Variants in PIP5K1B observed in about 807,000 individuals in gnomAD.
The protein encoded by PIP5K1B is phosphatidylinositol 4-phosphate 5-kinase type-1 beta.
A neutral mutation model predicts 67.0 loss-of-function variants in PIP5K1B; 42 were observed. The observed-to-expected ratio is 0.63, with a 90% confidence interval of 0.49 to 0.81. PIP5K1B has a LOEUF of 0.81. Ranked by LOEUF, PIP5K1B falls within the 30% of genes least tolerant of loss-of-function variation. PIP5K1B has a pLI of 0.00. For missense variants in PIP5K1B, 459 were observed against 646.3 expected (o/e 0.71, Z 3.14); for synonymous variants, 214 against 231.4 (o/e 0.92, Z 0.68).
intron 13 of PIP5K1B, among the ~76,000 whole-genome samples, chr9:68,937,005 G>C (rs375709478): frequency 6.6e-6 from 1 of 152,144 alleles, no homozygotes; most frequent in Admixed American, 6.5e-5. Context: ...CGCTAGATTC[G>C]GTTTGCCAGT....
chr9:68,940,060 T>C (rs1827480376), intron 13 of PIP5K1B, among the ~76,000 whole-genome samples: 1 of 152,176 alleles, frequency 6.6e-6, no homozygotes, highest in Admixed American at 6.5e-5. Context: ...ATAAGTGTTT[T>C]CTCATTTTTA....
intron 14 of PIP5K1B, among the ~76,000 whole-genome samples, chr9:68,980,015 G>A (rs911923151): frequency 6.6e-6 from 1 of 152,176 alleles, no homozygotes; most frequent in African/African-American, 2.4e-5. Flanking sequence ...ACTTCCCTGG[G>A]TCCGTGTTGG....
At chr9:68,807,170 T>C (rs1331218154) in intron 2 of PIP5K1B, among the ~76,000 whole-genome samples, 2 of 152,146 alleles carry the variant, frequency 1.3e-5, no homozygotes, top group Non-Finnish European at 2.9e-5. Flanking sequence ...TACCTCAAAG[T>C]ACCTCACATA....
chr9:68,985,012 G>A (rs536571761), intron 14 of PIP5K1B, among the ~76,000 whole-genome samples: 4 of 152,316 alleles, frequency 2.6e-5, no homozygotes, highest in African/African-American at 9.6e-5. Context: ...ATGTTGGGCA[G>A]ACACATGGGG....
intron 4 of PIP5K1B, among the ~76,000 whole-genome samples, chr9:68,849,528 G>A (rs1488287122): frequency 6.6e-6 from 1 of 152,106 alleles, no homozygotes; most frequent in Non-Finnish European, 1.5e-5. Flanking sequence ...ACCATACCCA[G>A]CTAATTTTTG....
chr9:68,945,379 C>T (rs4745405), intron 14 of PIP5K1B, among the ~76,000 whole-genome samples: 94,910 of 152,006 alleles, frequency 0.62, 33,115 homozygotes, highest in Non-Finnish European at 0.77. Flanking sequence ...CTCCTGACCT[C>T]AAGTGATCCA....
rs369420473 is a variant in PIP5K1B, at chr9:68,940,689, A to G, written c.1401A>G (p.Pro467=). The G allele has an allele frequency of 5.0e-6, 8 of 1,613,900 alleles. No individual in the cohort carries two copies. In the East Asian group the frequency reaches 1.1e-4, roughly 22 times the overall value. ...GGCCAGACCTGGTCCCTAGCACTCC[A>G]TCACTGTTTGAAGCTGCTTCCTTGG... The part of the protein sequence containing the change: ...RHRPDLVPST[P]SLFEAASLAT... Residue 467 remains proline, a synonymous_variant, in exon 14 of 16, where the codon CCA becomes CCG. Coordinates refer to ENST00000265382, the MANE Select transcript of PIP5K1B (RefSeq NM_003558.4).
intron 13 of PIP5K1B, among the ~76,000 whole-genome samples, chr9:68,937,167 A>G (rs533141275): frequency 2.0e-5 from 3 of 152,276 alleles, no homozygotes; most frequent in Non-Finnish European, 2.9e-5. Context: ...ATTGTTTGGA[A>G]TAGTTTCAGA....
chr9:68,876,538 CT>C, intron 5 of PIP5K1B, 138 bp from the exon 6 acceptor site: 2 of 611,420 alleles, frequency 3.3e-6, no homozygotes, highest in Non-Finnish European at 5.8e-6. Context: ...ATGACATGAA[CT>C]TTGAGAAACC....
At chr9:68,978,979 G>A (rs924383977) in intron 14 of PIP5K1B, among the ~76,000 whole-genome samples, 3 of 152,174 alleles carry the variant, frequency 2.0e-5, no homozygotes, top group Non-Finnish European at 2.9e-5. Flanking sequence ...TAGGGGTGTC[G>A]AAGGTTTCTG....
chr9:68,955,105 G>A (rs1828317234), intron 14 of PIP5K1B, among the ~76,000 whole-genome samples: 1 of 152,214 alleles, frequency 6.6e-6, no homozygotes, highest in Non-Finnish European at 1.5e-5. Context: ...AGCTGTGTAT[G>A]ATGCCTGCAG....
At chr9:68,862,791 CA>C (rs1318677123) in intron 4 of PIP5K1B, among the ~76,000 whole-genome samples, 6 of 135,332 alleles carry the variant, frequency 4.4e-5, no homozygotes, top group Non-Finnish European at 6.3e-5. Flanking sequence ...GATGCTGTCT[CA>C]AAAAAAAATA....
chr9:68,906,564 G>A (rs1825624211), intron 8 of PIP5K1B, among the ~76,000 whole-genome samples: 1 of 152,204 alleles, frequency 6.6e-6, no homozygotes, highest in East Asian at 1.9e-4. Flanking sequence ...AAAGGGATAT[G>A]TACTTCACTG....
At chr9:68,964,758 G>A (rs1050970926) in intron 14 of PIP5K1B, among the ~76,000 whole-genome samples, 2 of 152,190 alleles carry the variant, frequency 1.3e-5, no homozygotes, top group Non-Finnish European at 2.9e-5. Context: ...ACCGTAGAGG[G>A]GAGAGAAATA....
intron 8 of PIP5K1B, among the ~76,000 whole-genome samples, chr9:68,898,734 A>G (rs1408725924): frequency 6.6e-6 from 1 of 152,164 alleles, no homozygotes; most frequent in Non-Finnish European, 1.5e-5. Context: ...CCCTGCATGC[A>G]GTAAAATCAC....
chr9:69,008,631 G>C lies in PIP5K1B; in HGVS notation c.*182G>C. ...TCAGGCTGATCAGCAGATGGGATGT[G>C]AAAAATACTACCCTATTCTATCATT... is the stretch of plus-strand genomic sequence containing the variant. On this transcript the variant is annotated 3_prime_UTR_variant, in exon 16 of 16. Transcript: ENST00000265382. The C allele has an allele frequency of 1.5e-6, 1 of 646,498 alleles. No individual in the cohort carries two copies. The allele number at this position is 646,498 out of a possible 1,614,324, so 40.0% of individuals were successfully genotyped here. A position where few individuals can be genotyped will look rare whatever the true frequency, so the allele number is the denominator to read the frequency against.
chr9:68,963,905 A>G (rs940735396), intron 14 of PIP5K1B: 2 of 152,236 alleles, frequency 1.3e-5, no homozygotes, highest in African/African-American at 4.8e-5. Context: ...AAGCCAAATT[A>G]AATGAAAGCT....
At chr9:68,732,474 C>G (rs923484899) in intron 1 of PIP5K1B, among the ~76,000 whole-genome samples, 1 of 152,184 alleles carries the variant, frequency 6.6e-6, no homozygotes, top group African/African-American at 2.4e-5. Context: ...CTAACTTGTA[C>G]TCTCCCGGTG....
intron 8 of PIP5K1B, among the ~76,000 whole-genome samples, chr9:68,914,443 C>T (rs1825993794): frequency 6.6e-6 from 1 of 152,182 alleles, no homozygotes; most frequent in Admixed American, 6.5e-5. Context: ...TGGCCAGGCA[C>T]AGTGGCTCAC....
Sources: gnomAD v4.1 joint callset for allele counts (sites outside exome capture counted in the v4.1 genomes callset) on GRCh38, gnomAD v4.1.1 for gene constraint, MANE v1.5 for transcripts, NCBI Gene and HGNC (gene_info 2026-07-23, HGNC 2026-07-21) for gene names.